Variants in RNF13 observed in about 807,000 individuals in gnomAD.
The protein encoded by RNF13 is E3 ubiquitin-protein ligase RNF13.
RNF13 carries 19 observed loss-of-function variants against 37.7 expected under a neutral mutation model. That is an observed-to-expected ratio of 0.50 (90% CI 0.35 to 0.74). The LOEUF is 0.74. Among genes scored for constraint, RNF13 ranks in the 30% least tolerant of loss-of-function variants. The pLI is 0.01. For missense variants in RNF13, 375 were observed against 453.0 expected (o/e 0.83, Z 1.56); for synonymous variants, 144 against 157.8 (o/e 0.91, Z 0.65).
intron 1 of RNF13, among the ~76,000 whole-genome samples, chr3:149,829,284 G>T (rs1268139653): frequency 6.6e-6 from 1 of 151,948 alleles, no homozygotes; most frequent in Non-Finnish European, 1.5e-5. Context: ...ATTTTTAGTA[G>T]AGACAGAGTT....
chr3:149,845,100 T>G (rs1722522584), intron 1 of RNF13, among the ~76,000 whole-genome samples: 1 of 152,240 alleles, frequency 6.6e-6, no homozygotes, highest in Admixed American at 6.5e-5. Context: ...TTAAAAATTA[T>G]TCACAGGTAT....
At chr3:149,890,342 C>G (rs1714566249) in intron 4 of RNF13, among the ~76,000 whole-genome samples, 9 of 152,178 alleles carry the variant, frequency 5.9e-5, no homozygotes, top group Admixed American at 5.9e-4. Context: ...GAGGAGACCA[C>G]AAGTCTACTT....
At chr3:149,943,810 CTTTT>C (rs539953675) in intron 8 of RNF13, among the ~76,000 whole-genome samples, 2 of 146,306 alleles carry the variant, frequency 1.4e-5, no homozygotes, top group Non-Finnish European at 3.0e-5. Flanking sequence ...GTTCTTTTGT[CTTTT>C]TTTTTTTATA....
At chr3:149,933,215 T>C (rs1719334813) in intron 8 of RNF13, among the ~76,000 whole-genome samples, 1 of 152,024 alleles carries the variant, frequency 6.6e-6, no homozygotes, top group East Asian at 1.9e-4. Flanking sequence ...AAACCATTCT[T>C]TCCTCCTAGG....
chr3:149,855,738 C>A (rs1388472714), intron 3 of RNF13, among the ~76,000 whole-genome samples: 1 of 151,832 alleles, frequency 6.6e-6, no homozygotes, highest in African/African-American at 2.4e-5. Flanking sequence ...TAGATACTGC[C>A]AAATTACCTT....
intron 1 of RNF13, among the ~76,000 whole-genome samples, chr3:149,843,225 G>A (rs1435005811): frequency 6.6e-6 from 1 of 152,198 alleles, no homozygotes; most frequent in Non-Finnish European, 1.5e-5. Flanking sequence ...GGGTGGACAT[G>A]TGTAGATTAT....
At chr3:149,917,581 T>TAGA (rs1271546827) in intron 7 of RNF13, 1 of 152,194 alleles carries the variant, frequency 6.6e-6, no homozygotes, top group East Asian at 1.9e-4. Flanking sequence ...CTCAGAAACG[T>TAGA]AGATATTCAT....
chr3:149,866,809 G>A (rs1348785750), intron 3 of RNF13, among the ~76,000 whole-genome samples: 1 of 151,876 alleles, frequency 6.6e-6, no homozygotes, highest in Non-Finnish European at 1.5e-5. Flanking sequence ...GGTTATTCAG[G>A]AACATTTTGT....
intron 4 of RNF13, among the ~76,000 whole-genome samples, chr3:149,880,804 A>G (rs1376880784): frequency 6.6e-6 from 1 of 152,148 alleles, no homozygotes; most frequent in Non-Finnish European, 1.5e-5. Flanking sequence ...TTGTTGCAAC[A>G]TGGAACAATC....
chr3:149,921,488 T>C (rs1718124896), intron 8 of RNF13, among the ~76,000 whole-genome samples: 1 of 152,146 alleles, frequency 6.6e-6, no homozygotes, highest in Non-Finnish European at 1.5e-5. Flanking sequence ...TGTGTGATGT[T>C]CCCCTCCCTG....
chr3:149,887,172 C>T (rs959761136), intron 4 of RNF13, among the ~76,000 whole-genome samples: 1 of 152,156 alleles, frequency 6.6e-6, no homozygotes. Flanking sequence ...CTAGGAGTAG[C>T]GAGAGCACAG....
intron 8 of RNF13, among the ~76,000 whole-genome samples, chr3:149,956,768 A>C (rs1721908159): frequency 6.6e-6 from 1 of 152,166 alleles, no homozygotes; most frequent in Non-Finnish European, 1.5e-5. Context: ...TCCACTAGTG[A>C]ATTAGCAAAG....
At chr3:149,871,286 T>C (rs1408865791) in intron 3 of RNF13, among the ~76,000 whole-genome samples, 1 of 151,556 alleles carries the variant, frequency 6.6e-6, no homozygotes, top group Admixed American at 6.6e-5. Flanking sequence ...AGGTGATCCA[T>C]CTGCCTCGGC....
At chr3:149,955,172 G>C (rs897225439) in intron 8 of RNF13, among the ~76,000 whole-genome samples, 1 of 152,092 alleles carries the variant, frequency 6.6e-6, no homozygotes, top group Admixed American at 6.5e-5. Flanking sequence ...ATATGTACAG[G>C]AGGGGAAAGA....
chr3:149,952,222 A>C (rs1168686063), intron 8 of RNF13, among the ~76,000 whole-genome samples: 1 of 152,132 alleles, frequency 6.6e-6, no homozygotes, highest in Non-Finnish European at 1.5e-5. Context: ...CATTTCTGTT[A>C]GGAGCATTAC....
chr3:149,843,173 T>C (rs764079133), intron 1 of RNF13, among the ~76,000 whole-genome samples: 1 of 152,206 alleles, frequency 6.6e-6, no homozygotes, highest in Non-Finnish European at 1.5e-5. Context: ...AGCATTTACA[T>C]TGTATTAGAT....
chr3:149,937,258 A>G (rs1719785812), intron 8 of RNF13, among the ~76,000 whole-genome samples: 1 of 152,154 alleles, frequency 6.6e-6, no homozygotes, highest in Non-Finnish European at 1.5e-5. Flanking sequence ...GCTTTCCTGC[A>G]TAGTAACCCT....
intron 8 of RNF13, chr3:149,939,793 T>C: frequency 1.7e-6 from 1 of 574,936 alleles, no homozygotes. Flanking sequence ...CATCAAATCT[T>C]CCATGGGGTG....
chr3:149,864,643 A>G (rs1254271372), intron 3 of RNF13, among the ~76,000 whole-genome samples: 1 of 152,204 alleles, frequency 6.6e-6, no homozygotes, highest in Non-Finnish European at 1.5e-5. Context: ...TTCTTCACAG[A>G]GCTGGAATAT....
Sources: gnomAD v4.1 joint callset for allele counts (sites outside exome capture counted in the v4.1 genomes callset) on GRCh38, gnomAD v4.1.1 for gene constraint, MANE v1.5 for transcripts, NCBI Gene and HGNC (gene_info 2026-07-23, HGNC 2026-07-21) for gene names.